The following KCNIP4 variants were observed in gnomAD, a reference collection of about 807,000 sequenced individuals.
KCNIP4 encodes potassium voltage-gated channel interacting protein 4.
Under a neutral mutation model 34.0 loss-of-function variants are expected in KCNIP4, and 12 were observed. The observed-to-expected ratio is 0.35, with a 90% CI of 0.23 to 0.57. The LOEUF is 0.57. KCNIP4 is among the 20% of genes least tolerant of loss of function. KCNIP4 has a pLI of 0.83. For missense variants in KCNIP4, 238 were observed against 311.7 expected (o/e 0.76, Z 1.78); for synonymous variants, 124 against 102.2 (o/e 1.21, Z -1.29).
At chr4:21,359,539 T>C (rs1719004916) in intron 1 of KCNIP4, among the ~76,000 whole-genome samples, 1 of 152,164 alleles carries the variant, frequency 6.6e-6, no homozygotes, top group African/African-American at 2.4e-5. Context: ...TTTTACAGGA[T>C]AATTATCACA....
chr4:21,336,204 AT>A (rs1484441779), intron 1 of KCNIP4, among the ~76,000 whole-genome samples: 2 of 152,104 alleles, frequency 1.3e-5, no homozygotes, highest in African/African-American at 4.8e-5. Flanking sequence ...ATAACATTAA[AT>A]TTTTAATAAA....
At position 21,065,765 on chromosome 4, in the gene KCNIP4, T is replaced by TATATAA. The variant is rs1491302260; in HGVS notation, c.62-183057_62-183056insTTATAT. Among the ~76,000 whole-genome samples, 304 of 114,776 alleles carry TATATAA rather than the reference T, an allele frequency of 2.6e-3. 2 individuals are homozygous for TATATAA. The highest frequency in any genetic ancestry group is 9.0e-3 in the Middle Eastern group (2 of 222). The allele number at this position is 114,776 out of a possible 152,430, so 75.3% of individuals were successfully genotyped here. A position where few individuals can be genotyped will look rare whatever the true frequency, so the allele number is the denominator to read the frequency against. On this transcript the variant is annotated intron_variant, in intron 1 of 8. Coordinates refer to ENST00000382152, the MANE Select transcript of KCNIP4 (RefSeq NM_025221.6). ...ATATATATATATATATATATATATA[T>TATATAA]AACTCAATTTTATTTTAAAAAATAG...
intron 1 of KCNIP4, among the ~76,000 whole-genome samples, chr4:21,569,234 TAAAAAAAAAAAAAAA>T (rs71191521): frequency 1.6e-4 from 4 of 25,186 alleles, no homozygotes; most frequent in African/African-American, 4.3e-4. Context: ...ACTGATATTC[TAAAAAAAAAAAAAAA>T]AAAAAAAAAA....
chr4:21,545,831 C>T (rs1738109873), intron 1 of KCNIP4, among the ~76,000 whole-genome samples: 1 of 152,092 alleles, frequency 6.6e-6, no homozygotes, highest in Non-Finnish European at 1.5e-5. Context: ...GTGAATAGTG[C>T]TGCAATAAAC....
In KCNIP4 at chr4:21,199,596, G is replaced by A. The variant is rs1225203509; in HGVS notation, c.62-316887C>T. Among the ~76,000 whole-genome samples, 11 of 152,172 alleles carry A rather than the reference G, an allele frequency of 7.2e-5. 1 individual carries two copies. The East Asian group carries it at 2.1e-3, about 29-fold the overall frequency. ...AATTAGATCCCATTTGTCAATTTTGGCTTTTGTTGCCATTGCTTTTGGTGT... is the reference window on the plus strand; with the variant it reads ...AATTAGATCCCATTTGTCAATTTTGACTTTTGTTGCCATTGCTTTTGGTGT... On this transcript the variant is annotated intron_variant, in intron 1 of 8. Transcript: ENST00000382152.
At chr4:21,260,675 T>C (rs1367928765) in intron 1 of KCNIP4, among the ~76,000 whole-genome samples, 1 of 152,208 alleles carries the variant, frequency 6.6e-6, no homozygotes, top group Non-Finnish European at 1.5e-5. Flanking sequence ...CTAGGGTACA[T>C]TATTTTGCTG....
intron 1 of KCNIP4, among the ~76,000 whole-genome samples, chr4:21,409,704 G>A (rs558911880): frequency 6.6e-6 from 1 of 152,082 alleles, no homozygotes. Context: ...ACATCGTTAG[G>A]AAAAAAGGGG....
At chr4:21,643,973 C>T (rs1242398199) in intron 1 of KCNIP4, among the ~76,000 whole-genome samples, 2 of 152,016 alleles carry the variant, frequency 1.3e-5, no homozygotes, top group East Asian at 3.9e-4. Context: ...ATTAATGTAT[C>T]CCCAATGCTT....
chr4:21,587,558 A>G (rs907196580), intron 1 of KCNIP4, among the ~76,000 whole-genome samples: 6 of 151,960 alleles, frequency 3.9e-5, no homozygotes, highest in Non-Finnish European at 7.4e-5. Context: ...AACAACAACA[A>G]CAACAACAAA....
chr4:21,139,277 A>G (rs1321820206), intron 1 of KCNIP4, among the ~76,000 whole-genome samples: 1 of 152,228 alleles, frequency 6.6e-6, no homozygotes, highest in Non-Finnish European at 1.5e-5. Context: ...CAAGAAAACG[A>G]AAAAGAGAGA....
At chr4:21,906,047 T>C (rs1286025159) in intron 1 of KCNIP4, among the ~76,000 whole-genome samples, 1 of 152,192 alleles carries the variant, frequency 6.6e-6, no homozygotes, top group Non-Finnish European at 1.5e-5. Flanking sequence ...TAAAGTGTTA[T>C]TGAAACACAG....
At chr4:21,008,815 C>T (rs1410245732) in intron 1 of KCNIP4, among the ~76,000 whole-genome samples, 1 of 151,932 alleles carries the variant, frequency 6.6e-6, no homozygotes, top group African/African-American at 2.4e-5. Context: ...TGAGCCACCG[C>T]GCCCAGCCGG....
At chr4:20,742,873 G>C (rs537657167) in intron 5 of KCNIP4, among the ~76,000 whole-genome samples, 3 of 151,928 alleles carry the variant, frequency 2.0e-5, no homozygotes, top group Non-Finnish European at 4.4e-5. Flanking sequence ...GAAGTCTCAG[G>C]GTACAAAAAT....
chr4:21,674,947 G>A (rs1211392240), intron 1 of KCNIP4, among the ~76,000 whole-genome samples: 2 of 152,098 alleles, frequency 1.3e-5, no homozygotes, highest in Admixed American at 1.3e-4. Context: ...AATGGAAGAT[G>A]CCCATAAAAA....
chr4:20,798,137 T>C (rs1413869225), intron 3 of KCNIP4, among the ~76,000 whole-genome samples: 1 of 152,254 alleles, frequency 6.6e-6, no homozygotes, highest in Non-Finnish European at 1.5e-5. Context: ...CCTTCTCTAA[T>C]CGTTATGACG....
intron 1 of KCNIP4, among the ~76,000 whole-genome samples, chr4:21,573,111 G>C (rs769435432): frequency 3.3e-5 from 5 of 152,124 alleles, no homozygotes; most frequent in Non-Finnish European, 5.9e-5. Flanking sequence ...CCACTGTTTA[G>C]TGGTAAACAG....
At chr4:21,034,643 G>A (rs1203976627) in intron 1 of KCNIP4, among the ~76,000 whole-genome samples, 1 of 152,178 alleles carries the variant, frequency 6.6e-6, no homozygotes, top group Non-Finnish European at 1.5e-5. Context: ...GTTTCTGTCA[G>A]TCACCAATGA....
intron 1 of KCNIP4, among the ~76,000 whole-genome samples, chr4:21,443,209 G>T (rs1727642080): frequency 6.6e-6 from 1 of 152,092 alleles, no homozygotes; most frequent in African/African-American, 2.4e-5. Flanking sequence ...AGTGAAGTCA[G>T]TCATCACTAT....
Position 21,278,556 on chromosome 4 carries a change from G to A in KCNIP4, c.62-395847C>T, listed in dbSNP as rs761426196. ...TTTTTATGGCTGCATAGTATTCCAT[G>A]ATGTATATGTAAAATAGCAGAGACA... On this transcript the variant is annotated intron_variant, in intron 1 of 8. Coordinates refer to ENST00000382152, the MANE Select transcript of KCNIP4 (RefSeq NM_025221.6). Among the ~76,000 whole-genome samples the A allele has an allele frequency of 6.6e-5, 10 of 152,160 alleles. No individual in the cohort carries two copies. In the East Asian group the frequency reaches 1.9e-3, roughly 29 times the overall value.
Sources: allele counts gnomAD v4.1 joint callset (sites outside exome capture counted in the v4.1 genomes callset), GRCh38; gene constraint gnomAD v4.1.1; transcripts MANE v1.5; gene names NCBI Gene and HGNC (gene_info 2026-07-23, HGNC 2026-07-21).